SDK1: variants seen among roughly 807,000 people sequenced by gnomAD.
SDK1 encodes the protein protein sidekick-1.
In SDK1, 157 loss-of-function variants were observed where a neutral mutation model predicts 245.5. The observed-to-expected ratio is 0.64, with a 90% confidence interval of 0.56 to 0.73. The LOEUF (loss-of-function observed/expected upper bound fraction) is 0.73, where lower values mean the gene tolerates loss of function less well. Among genes scored for constraint, SDK1 ranks in the 30% least tolerant of loss-of-function variants. The probability of loss-of-function intolerance (pLI) is 0.00; values close to 1 mark genes in which losing one functional copy is unlikely to be tolerated. For missense variants in SDK1, 3,583 were observed against 3,002.3 expected (o/e 1.19, Z -4.52); for synonymous variants, 1,647 against 1,278.5 (o/e 1.29, Z -6.15).
chr7:3,457,591 G>C (rs1265311563), intron 1 of SDK1, among the ~76,000 whole-genome samples: 5 of 152,164 alleles, frequency 3.3e-5, no homozygotes, highest in African/African-American at 1.2e-4. Flanking sequence ...TGGATTCTAT[G>C]TATTTATGAT....
chr7:3,563,950 A>G (rs560533628), intron 1 of SDK1, among the ~76,000 whole-genome samples: 33 of 152,212 alleles, frequency 2.2e-4, no homozygotes, highest in African/African-American at 8.0e-4. Flanking sequence ...ATATTTCTAA[A>G]TAGCTATTGA....
intron 16 of SDK1, among the ~76,000 whole-genome samples, chr7:4,013,789 G>A (rs1786169079): frequency 1.3e-5 from 2 of 152,212 alleles, no homozygotes; most frequent in African/African-American, 4.8e-5. Flanking sequence ...TACACAAATA[G>A]CTCCAATCAA....
intron 1 of SDK1, among the ~76,000 whole-genome samples, chr7:3,599,656 ATG>A (rs1481281759): frequency 3.3e-5 from 5 of 152,198 alleles, no homozygotes; most frequent in African/African-American, 4.8e-5. Flanking sequence ...GATTAGGTAA[ATG>A]TTTGATTTTT....
chr7:3,441,752 T>C (rs1306764347), intron 1 of SDK1, among the ~76,000 whole-genome samples: 1 of 152,172 alleles, frequency 6.6e-6, no homozygotes, highest in Non-Finnish European at 1.5e-5. Flanking sequence ...TTGGGTAGAA[T>C]AGACATCTTA....
chr7:3,887,261 G>A (rs1211540186), intron 5 of SDK1, among the ~76,000 whole-genome samples: 1 of 152,030 alleles, frequency 6.6e-6, no homozygotes, highest in East Asian at 1.9e-4. Flanking sequence ...CTTGTGCTTG[G>A]ACCTTTCACT....
intron 1 of SDK1, among the ~76,000 whole-genome samples, chr7:3,309,633 A>AT (rs151128946): frequency 5.0e-4 from 72 of 144,112 alleles, no homozygotes; most frequent in Middle Eastern, 3.7e-3. Context: ...TTTACTTCTG[A>AT]TTTTTTTTAT....
intron 1 of SDK1, among the ~76,000 whole-genome samples, chr7:3,438,801 A>G (rs535314429): frequency 1.3e-5 from 2 of 151,682 alleles, no homozygotes; most frequent in Admixed American, 1.3e-4. Flanking sequence ...ATACTTTACT[A>G]AGTTCCATCA....
intron 5 of SDK1, among the ~76,000 whole-genome samples, chr7:3,844,716 C>G (rs552722064): frequency 2.0e-5 from 3 of 152,262 alleles, no homozygotes; most frequent in South Asian, 4.1e-4. Context: ...CTCTCCAGCC[C>G]GAGTGCCACA....
intron 28 of SDK1, among the ~76,000 whole-genome samples, chr7:4,137,683 C>T (rs960469616): frequency 1.3e-5 from 2 of 152,206 alleles, no homozygotes; most frequent in African/African-American, 2.4e-5. Flanking sequence ...AAAAACAGGG[C>T]TCCTCGTAAG....
intron 4 of SDK1, among the ~76,000 whole-genome samples, chr7:3,716,653 A>T (rs1785209294): frequency 6.6e-6 from 1 of 151,778 alleles, no homozygotes; most frequent in Non-Finnish European, 1.5e-5. Context: ...CCAGCTACTC[A>T]GGAGGCTGAG....
chr7:3,354,215 G>A (rs1401839780), intron 1 of SDK1, among the ~76,000 whole-genome samples: 1 of 151,864 alleles, frequency 6.6e-6, no homozygotes, highest in Non-Finnish European at 1.5e-5. Context: ...AGCTAGGATG[G>A]TCTTGATCTC....
intron 4 of SDK1, among the ~76,000 whole-genome samples, chr7:3,742,128 T>C (rs1259420142): frequency 6.7e-6 from 1 of 149,824 alleles, no homozygotes; most frequent in Non-Finnish European, 1.5e-5. Flanking sequence ...TATTAAATTC[T>C]CTGTTCCTCT....
chr7:3,702,589 A>G (rs1784770375), intron 4 of SDK1, among the ~76,000 whole-genome samples: 1 of 152,184 alleles, frequency 6.6e-6, no homozygotes, highest in Non-Finnish European at 1.5e-5. Flanking sequence ...TTTCTCGTAC[A>G]CTGACTCCAG....
intron 4 of SDK1, among the ~76,000 whole-genome samples, chr7:3,725,818 T>G (rs576718776): frequency 6.6e-6 from 1 of 152,352 alleles, no homozygotes; most frequent in African/African-American, 2.4e-5. Context: ...GACATGTGAT[T>G]TGAAACCACA....
intron 1 of SDK1, among the ~76,000 whole-genome samples, chr7:3,405,183 C>A (rs58420622): frequency 0.33 from 49,658 of 150,008 alleles, 10,593 homozygotes; most frequent in African/African-American, 0.62. Flanking sequence ...AAAACAAAAA[C>A]AAAAAACACT....
chr7:3,356,881 C>T (rs1332579870), intron 1 of SDK1, among the ~76,000 whole-genome samples: 1 of 151,780 alleles, frequency 6.6e-6, no homozygotes. Context: ...CATGGTGAAA[C>T]CCCATCTCTA....
intron 1 of SDK1, among the ~76,000 whole-genome samples, chr7:3,303,368 A>T (rs1443158503): frequency 6.6e-6 from 1 of 152,168 alleles, no homozygotes; most frequent in Admixed American, 6.5e-5. Context: ...TTGCACTAAG[A>T]CCTGTACGTT....
intron 4 of SDK1, among the ~76,000 whole-genome samples, chr7:3,729,876 A>T (rs936904529): frequency 6.6e-6 from 1 of 152,000 alleles, no homozygotes; most frequent in Non-Finnish European, 1.5e-5. Flanking sequence ...TGAAGAACTG[A>T]GAAAATGTGT....
chr7:3,837,324 G>T (rs1390622922), intron 5 of SDK1, among the ~76,000 whole-genome samples: 1 of 152,148 alleles, frequency 6.6e-6, no homozygotes, highest in African/African-American at 2.4e-5. Flanking sequence ...ATATTTAACA[G>T]CTGGGAGAAC....
Sources: gnomAD v4.1 joint callset for allele counts (sites outside exome capture counted in the v4.1 genomes callset) on GRCh38, gnomAD v4.1.1 for gene constraint, MANE v1.5 for transcripts, NCBI Gene and HGNC (gene_info 2026-07-23, HGNC 2026-07-21) for gene names.